The following FLRT1 variants were observed in gnomAD, a reference collection of about 807,000 sequenced individuals.
FLRT1 encodes leucine-rich repeat transmembrane protein FLRT1.
FLRT1 carries 14 observed loss-of-function variants against 30.9 expected under a neutral mutation model. The observed-to-expected ratio is 0.45, with a 90% confidence interval of 0.30 to 0.71. FLRT1 has a LOEUF of 0.71. FLRT1 is among the 30% of genes least tolerant of loss of function. The pLI is 0.08. For synonymous variants in FLRT1, 368 were observed against 430.4 expected (o/e 0.85, Z 1.80); for missense variants, 737 against 949.2 (o/e 0.78, Z 2.94).
At chr11:64,047,763 G>T (rs1943611998) in intron 1 of FLRT1, among the ~76,000 whole-genome samples, 1 of 152,082 alleles carries the variant, frequency 6.6e-6, no homozygotes. Flanking sequence ...TGGGCATGGT[G>T]GCAGGTGCCT....
intron 1 of FLRT1, among the ~76,000 whole-genome samples, chr11:64,057,306 C>A (rs1943805382): frequency 6.6e-6 from 1 of 152,228 alleles, no homozygotes; most frequent in African/African-American, 2.4e-5. Flanking sequence ...TCCCTCTGCT[C>A]AGGCCGCAGG....
At chr11:64,111,656 G>A (rs1283983720) in intron 2 of FLRT1, among the ~76,000 whole-genome samples, 1 of 152,214 alleles carries the variant, frequency 6.6e-6, no homozygotes, top group Admixed American at 6.5e-5. Context: ...GCCTGTGAAG[G>A]GGGGTGGGTG....
intron 1 of FLRT1, among the ~76,000 whole-genome samples, chr11:64,072,031 G>A (rs1036115716): frequency 1.3e-5 from 2 of 152,194 alleles, no homozygotes; most frequent in Admixed American, 6.5e-5. Context: ...ACGCACTATT[G>A]ACCGCCGCGC....
At chr11:64,088,151 A>T (rs1944427018) in intron 1 of FLRT1, among the ~76,000 whole-genome samples, 1 of 152,182 alleles carries the variant, frequency 6.6e-6, no homozygotes, top group South Asian at 2.1e-4. Flanking sequence ...CTCTGCAAAA[A>T]TAAAGTTGAA....
chr11:64,058,747 G>A (rs1424924408), intron 1 of FLRT1, among the ~76,000 whole-genome samples: 4 of 152,244 alleles, frequency 2.6e-5, no homozygotes, highest in South Asian at 2.1e-4. Context: ...GCTTGCCAGC[G>A]GCAGCTTCTA....
At chr11:64,037,019 G>C (rs1195698679) in intron 1 of FLRT1, among the ~76,000 whole-genome samples, 1 of 152,230 alleles carries the variant, frequency 6.6e-6, no homozygotes, top group Admixed American at 6.5e-5. Flanking sequence ...CGGTGGCCCC[G>C]GGAGGTCTTC....
rs541418592 is a variant in FLRT1, at chr11:64,105,695, G to A, written c.-50+1514G>A. On this transcript the variant is annotated intron_variant, in intron 2 of 2. Coordinates refer to ENST00000682287, the MANE Select transcript of FLRT1 (RefSeq NM_013280.5). ...TGCAGACATGCTGGTGGAGAAGAGC[G>A]GCTCCCATGAGGCCCTGCTGGAGTT... is the stretch of plus-strand genomic sequence containing the variant. 6.6e-5 allele frequency among the ~76,000 whole-genome samples: 10 copies of A among 152,292 alleles called. No homozygotes were observed. In the South Asian group the frequency reaches 1.4e-3, roughly 22 times the overall value.
At chr11:64,061,829 A>T (rs1943909579) in intron 1 of FLRT1, among the ~76,000 whole-genome samples, 1 of 145,996 alleles carries the variant, frequency 6.8e-6, no homozygotes, top group Non-Finnish European at 1.5e-5. Flanking sequence ...CTCCCACCTC[A>T]GCCTCCCAAG....
At position 64,118,136 on chromosome 11, in the gene FLRT1, C is replaced by T; in HGVS notation, c.1869C>T (p.Pro623=). The change falls in exon 3 of 3, where the codon CCC becomes CCT. Residue 623 remains proline, a synonymous_variant. Coordinates refer to ENST00000682287, the MANE Select transcript of FLRT1 (RefSeq NM_013280.5). ...EIRGPGLQML[P]INPYRAKEEY... is the part of the protein sequence containing the mutation. ...GCGGCCCTGGGCTGCAGATGCTGCC[C>T]ATCAACCCGTACCGCGCCAAAGAAG... 6.8e-6 allele frequency: 11 copies of T among 1,613,664 alleles called. No homozygotes were observed. The highest frequency in any genetic ancestry group is 9.3e-6 in the Non-Finnish European group (11 of 1,179,820).
chr11:64,104,854 G>A (rs2134570569), intron 2 of FLRT1, among the ~76,000 whole-genome samples: 1 of 152,306 alleles, frequency 6.6e-6, no homozygotes, highest in East Asian at 1.9e-4. Context: ...CCGCTGAGGA[G>A]GGGCTGACTC....
chr11:64,051,164 C>T (rs1396230580), intron 1 of FLRT1, among the ~76,000 whole-genome samples: 1 of 152,236 alleles, frequency 6.6e-6, no homozygotes, highest in Non-Finnish European at 1.5e-5. Context: ...CACCTAGCCA[C>T]CTTACTAGGC....
intron 1 of FLRT1, among the ~76,000 whole-genome samples, chr11:64,078,389 C>T (rs146099815): frequency 6.6e-5 from 10 of 152,346 alleles, no homozygotes; most frequent in South Asian, 4.1e-4. Context: ...GGGGGCTGAA[C>T]GGCTGCAGAA....
chr11:64,113,736 T>TG (rs1944907898), intron 2 of FLRT1, among the ~76,000 whole-genome samples: 1 of 142,226 alleles, frequency 7.0e-6, no homozygotes, highest in East Asian at 2.2e-4. Context: ...GATACATGGA[T>TG]GATGGATGGA....
rs112252577 is a variant in FLRT1 at position 64,068,349 on chromosome 11, G to A, written c.-1038+32190G>A. On this transcript the variant is annotated intron_variant, in intron 1 of 2. Coordinates refer to ENST00000682287, the MANE Select transcript of FLRT1 (RefSeq NM_013280.5). ...CTTTGGGGACAGTGATGCCTACCAGGCCCTGGCAGGCTCAGGCCCAGCTGC... is the reference window on the plus strand; with the variant it reads ...CTTTGGGGACAGTGATGCCTACCAGACCCTGGCAGGCTCAGGCCCAGCTGC... 6.1e-3 allele frequency among the ~76,000 whole-genome samples: 925 copies of A among 152,324 alleles called. 4 individuals are homozygous for A. The highest frequency in any genetic ancestry group is 0.014 in the Middle Eastern group (4 of 294).
Position 64,118,225 on chromosome 11 carries a change from T to G in FLRT1, c.1958T>G (p.Ile653Ser). 6.2e-7 allele frequency: 1 copy of G among 1,612,654 alleles called. No individual in the cohort carries two copies. The highest frequency in any genetic ancestry group is 1.1e-5 in the South Asian group (1 of 91,034). ...GSSLCKATHT[I>S]GYGTTRGYRD... ...AGCCTCTGCAAGGCCACACACACCA[T>G]TGGCTACGGCACCACGCGGGGCTAC... Residue 653 changes from isoleucine to serine, a missense_variant, in exon 3 of 3, where the codon ATT becomes AGT. Coordinates refer to ENST00000682287, the MANE Select transcript of FLRT1 (RefSeq NM_013280.5).
At chr11:64,089,600 G>A (rs576068402) in intron 1 of FLRT1, among the ~76,000 whole-genome samples, 3 of 152,344 alleles carry the variant, frequency 2.0e-5, no homozygotes, top group East Asian at 1.9e-4. Context: ...AAAACTTGGG[G>A]AGACTGTTCT....
chr11:64,108,210 G>A (rs1479178496), intron 2 of FLRT1, among the ~76,000 whole-genome samples: 1 of 152,022 alleles, frequency 6.6e-6, no homozygotes, highest in African/African-American at 2.4e-5. Flanking sequence ...CTACGCGGGA[G>A]GCTGAGGCAG....
At chr11:64,079,914 A>G (rs1171051487) in intron 1 of FLRT1, among the ~76,000 whole-genome samples, 2 of 152,166 alleles carry the variant, frequency 1.3e-5, no homozygotes, top group Non-Finnish European at 2.9e-5. Flanking sequence ...TGAGGGAGGC[A>G]GGGTTGTATC....
chr11:64,038,524 G>A (rs1417628379), intron 1 of FLRT1, among the ~76,000 whole-genome samples: 2 of 152,096 alleles, frequency 1.3e-5, no homozygotes, highest in Non-Finnish European at 2.9e-5. Context: ...AGGCCAGCAC[G>A]GGGGCAGCTG....
Sources: allele counts gnomAD v4.1 joint callset (sites outside exome capture counted in the v4.1 genomes callset), GRCh38; gene constraint gnomAD v4.1.1; transcripts MANE v1.5; gene names NCBI Gene and HGNC (gene_info 2026-07-23, HGNC 2026-07-21).